ISG20: variants seen among roughly 807,000 people sequenced by gnomAD.
ISG20 encodes the protein interferon stimulated exonuclease gene 20.
In ISG20, 8 loss-of-function variants were observed where a neutral mutation model predicts 11.1. The ratio of observed to expected loss-of-function variants is 0.72; its 90% CI spans 0.42 to 1.30. The LOEUF is 1.30. ISG20 is among the 50% of genes most tolerant of loss of function. ISG20 has a pLI of 0.01. For synonymous variants in ISG20, 110 were observed against 101.7 expected (o/e 1.08, Z -0.49); for missense variants, 243 against 250.2 (o/e 0.97, Z 0.19).
In ISG20 at chr15:88,652,183, A is replaced by G. The variant is rs1318028234; in HGVS notation, c.302A>G (p.Asp101Gly). Residue 101 changes from aspartate to glycine, a missense_variant, in exon 3 of 4, where the codon GAC becomes GGC. Transcript: ENST00000306072. ...CACGACTTCCAGGCACTGAAAGAGG[A>G]CATGAGCGGCTACACAATCTACGAC... ...LKHDFQALKEDMSGYTIYDTS... is the reference protein window; with the variant it reads ...LKHDFQALKEGMSGYTIYDTS... 6.2e-7 allele frequency: 1 copy of G among 1,614,044 alleles called. No homozygotes were observed. Among genetic ancestry groups the G allele is most frequent in the South Asian group, 1.1e-5 (1 of 91,070 alleles).
chr15:88,639,101 G>C lies in ISG20; in HGVS notation c.-25+25G>C. Reference sequence around the variant, plus strand: ...GGTGAGAGCGGGAGCTGGAGCAGCAGCTGGGGAGGCAGCGGGAGGGGCCTT... The same window carrying C: ...GGTGAGAGCGGGAGCTGGAGCAGCACCTGGGGAGGCAGCGGGAGGGGCCTT... On this transcript the variant is annotated intron_variant, in intron 1 of 3. Transcript: ENST00000306072. The surrounding 1 kb of genome is among the most constrained non-coding windows in gnomAD (Gnocchi z 4.2). 1 of 551,400 alleles carries C rather than the reference G, an allele frequency of 1.8e-6. No homozygotes were observed. Among genetic ancestry groups the C allele is most frequent in the Non-Finnish European group, 3.2e-6 (1 of 310,284 alleles). 34.2% of individuals were successfully genotyped at this position (551,400 alleles called of 1,614,324 possible). A position where few individuals can be genotyped will look rare whatever the true frequency, so the allele number is the denominator to read the frequency against.
At chr15:88,641,270 GC>G (rs1262368670) in intron 2 of ISG20, among the ~76,000 whole-genome samples, 1 of 152,176 alleles carries the variant, frequency 6.6e-6, no homozygotes, top group African/African-American at 2.4e-5. Context: ...AAAGTCCCAG[GC>G]ATGAGCCACC....
rs1000420011 is a variant in ISG20, at chr15:88,639,263, G to C, written c.-24-80G>C. ...AAACAAAGGGCAGGGCGGAGGGTAA[G>C]GCCAGCTGGGGTTGGCTGAGGACAC... On this transcript the variant is annotated intron_variant, in intron 1 of 3. Coordinates refer to ENST00000306072, the MANE Select transcript of ISG20 (RefSeq NM_002201.6). This position sits in a 1 kb window ranked among gnomAD's most constrained non-coding sequence, Gnocchi z 4.2. 2.4e-5 allele frequency: 20 copies of C among 844,090 alleles called. No homozygotes were observed. Among genetic ancestry groups the C allele is most frequent in the East Asian group, 1.3e-4 (5 of 37,558 alleles). 52.3% of individuals were successfully genotyped at this position (844,090 alleles called of 1,614,324 possible). A position where few individuals can be genotyped will look rare whatever the true frequency, so the allele number is the denominator to read the frequency against.
In ISG20 at chr15:88,639,601, G is replaced by A. The variant is rs1480331882; in HGVS notation, c.228+7G>A. On this transcript the variant is annotated splice_region_variant and intron_variant, in intron 2 of 3. Coordinates refer to ENST00000306072, the MANE Select transcript of ISG20 (RefSeq NM_002201.6). This position sits in a 1 kb window ranked among gnomAD's most constrained non-coding sequence, Gnocchi z 4.2. ...TGCCGTGGCCAGGCTAGAGGTGAGT[G>A]AAGGCCCGGCCAGCAGGGGCTTTGG... 1 of 1,610,510 alleles carries A rather than the reference G, an allele frequency of 6.2e-7. No individual in the cohort carries two copies. The highest frequency in any genetic ancestry group is 2.2e-5 in the East Asian group (1 of 44,856).
At chr15:88,636,445 T>C (rs11638243), upstream of ISG20, among the ~76,000 whole-genome samples, 54,195 of 151,972 alleles carry the variant, frequency 0.36, 10,214 homozygotes, top group Non-Finnish European at 0.42. Flanking sequence ...GGGGCCCCAG[T>C]TTTGAACTAA....
Position 88,650,480 on chromosome 15 carries a change from A to T in ISG20, c.229-1630A>T. 7 of 1,433,210 alleles carry T rather than the reference A, an allele frequency of 4.9e-6. 1 individual carries two copies. In the South Asian group the frequency reaches 1.0e-4, roughly 21 times the overall value. 88.8% of individuals were successfully genotyped at this position (1,433,210 alleles called of 1,614,324 possible). A position where few individuals can be genotyped will look rare whatever the true frequency, so the allele number is the denominator to read the frequency against. On this transcript the variant is annotated intron_variant, in intron 2 of 3. Coordinates refer to ENST00000306072, the MANE Select transcript of ISG20 (RefSeq NM_002201.6). This position sits in a 1 kb window ranked among gnomAD's most constrained non-coding sequence, Gnocchi z 4.0. ...TCAAGGCCTGGCTTTGCCACTAACT[A>T]GCCGTGTGACTGTCCCAGTTATCAA...
intron 2 of ISG20, among the ~76,000 whole-genome samples, chr15:88,642,271 A>T (rs2058094673): frequency 6.6e-6 from 1 of 152,114 alleles, no homozygotes; most frequent in African/African-American, 2.4e-5. Context: ...TTGGATTATG[A>T]GCCCACCCTA....
chr15:88,639,213 T>C lies in ISG20; in HGVS notation c.-24-130T>C. The C allele has an allele frequency of 1.6e-6, 1 of 625,302 alleles. No individual in the cohort carries two copies. Among genetic ancestry groups the C allele is most frequent in the Non-Finnish European group, 2.8e-6 (1 of 358,186 alleles). The allele number at this position is 625,302 out of a possible 1,614,324, so 38.7% of individuals were successfully genotyped here. A position where few individuals can be genotyped will look rare whatever the true frequency, so the allele number is the denominator to read the frequency against. The stretch of plus-strand genomic sequence containing the variant: ...GGGATGGGGGAGGCAAGAGGCCAGC[T>C]TCCACTGTGGCCAGGTGGTGTCGGA... On this transcript the variant is annotated intron_variant, in intron 1 of 3. Coordinates refer to ENST00000306072, the MANE Select transcript of ISG20 (RefSeq NM_002201.6). This position sits in a 1 kb window ranked among gnomAD's most constrained non-coding sequence, Gnocchi z 4.2.
intron 3 of ISG20, among the ~76,000 whole-genome samples, chr15:88,653,723 G>A (rs1043123200): frequency 1.5e-4 from 6 of 41,262 alleles, no homozygotes; most frequent in Admixed American, 4.9e-4. Context: ...GCCCGCCCCC[G>A]CTCACATGGA....
chr15:88,642,523 C>A (rs955855444), intron 2 of ISG20, among the ~76,000 whole-genome samples: 2 of 152,216 alleles, frequency 1.3e-5, no homozygotes, highest in Non-Finnish European at 2.9e-5. Flanking sequence ...CCAGTGGGGT[C>A]CCCAGCAGCC....
chr15:88,640,834 G>C (rs2058068375), intron 2 of ISG20, among the ~76,000 whole-genome samples: 1 of 151,814 alleles, frequency 6.6e-6, no homozygotes, highest in Non-Finnish European at 1.5e-5. Context: ...GGGCATGGTG[G>C]CACATGCCCA....
chr15:88,643,216 G>A lies in ISG20; in HGVS notation c.228+3622G>A, dbSNP rs1261439908. Among the ~76,000 whole-genome samples the A allele has an allele frequency of 1.3e-5, 2 of 151,988 alleles. No individual in the cohort carries two copies. The highest frequency in any genetic ancestry group is 2.9e-5 in the Non-Finnish European group (2 of 67,996). ...TGCCACTGCACTGCAGCCTGGGTAA[G>A]AGAGACCCTGTCTCTATTAAAAAAT... On this transcript the variant is annotated intron_variant, in intron 2 of 3. Coordinates refer to ENST00000306072, the MANE Select transcript of ISG20 (RefSeq NM_002201.6). The surrounding 1 kb of genome is among the most constrained non-coding windows in gnomAD (Gnocchi z 4.4).
chr15:88,639,063 G>A lies in ISG20; in HGVS notation c.-38G>A. 6.1e-6 allele frequency: 3 copies of A among 493,074 alleles called. No individual in the cohort carries two copies. Among genetic ancestry groups the A allele is most frequent in the South Asian group, 2.6e-5 (1 of 38,388 alleles). 30.5% of individuals were successfully genotyped at this position (493,074 alleles called of 1,614,324 possible). ...AGAGAGGCAGACGTGAGCTGAGGGC[G>A]CAGAGGCAGGCAGGTGAGAGCGGGA... is the stretch of plus-strand genomic sequence containing the variant. On this transcript the variant is annotated 5_prime_UTR_variant, in exon 1 of 4. Transcript: ENST00000306072. This position sits in a 1 kb window ranked among gnomAD's most constrained non-coding sequence, Gnocchi z 4.2.
At position 88,639,475 on chromosome 15, in the gene ISG20, G is replaced by C. The variant is rs936674774; in HGVS notation, c.109G>C (p.Val37Leu). The C allele has an allele frequency of 6.2e-7, 1 of 1,614,198 alleles. No homozygotes were observed. The highest frequency in any genetic ancestry group is 8.5e-7 in the Non-Finnish European group (1 of 1,180,020). The change falls in exon 2 of 4, where the codon GTG becomes CTG. Residue 37 changes from valine to leucine, a missense_variant. Val to Leu is a conservative substitution (Grantham distance 32). Coordinates refer to ENST00000306072, the MANE Select transcript of ISG20 (RefSeq NM_002201.6). The surrounding 1 kb of genome is among the most constrained non-coding windows in gnomAD (Gnocchi z 4.2). ...CAGCCTCGTGAACGTCCACGGTGCTGTGCTGTACGACAAGTTCATCCGGCC... is the reference window on the plus strand; with the variant it reads ...CAGCCTCGTGAACGTCCACGGTGCTCTGCTGTACGACAAGTTCATCCGGCC... ...RCSLVNVHGAVLYDKFIRPEG... is the reference protein window; with the variant it reads ...RCSLVNVHGALLYDKFIRPEG...
intron 3 of ISG20, among the ~76,000 whole-genome samples, chr15:88,654,553 C>A (rs569041427): frequency 6.6e-6 from 1 of 152,056 alleles, no homozygotes; most frequent in Non-Finnish European, 1.5e-5. Flanking sequence ...TGCTGGGTAC[C>A]GGCCAGGACA....
At position 88,650,350 on chromosome 15, in the gene ISG20, G is replaced by A; in HGVS notation, c.229-1760G>A. On this transcript the variant is annotated intron_variant, in intron 2 of 3. Coordinates refer to ENST00000306072, the MANE Select transcript of ISG20 (RefSeq NM_002201.6). The surrounding 1 kb of genome is among the most constrained non-coding windows in gnomAD (Gnocchi z 4.0). Reference sequence around the variant, plus strand: ...GCGAGGCGAGGAACGCGGGGCTGGGGCAGTCACAGCTGGGCGCCTGGGCTG... The same window carrying A: ...GCGAGGCGAGGAACGCGGGGCTGGGACAGTCACAGCTGGGCGCCTGGGCTG... 1.3e-6 allele frequency: 2 copies of A among 1,534,800 alleles called. No individual in the cohort carries two copies. The highest frequency in any genetic ancestry group is 8.7e-7 in the Non-Finnish European group (1 of 1,146,542).
In ISG20 at chr15:88,650,218, A is replaced by C. The variant is rs749593864; in HGVS notation, c.229-1892A>C. 5.2e-6 allele frequency: 8 copies of C among 1,531,280 alleles called. No homozygotes were observed. The highest frequency in any genetic ancestry group is 7.0e-6 in the Non-Finnish European group (8 of 1,143,020). The allele number at this position is 1,531,280 out of a possible 1,614,324, so 94.9% of individuals were successfully genotyped here. On this transcript the variant is annotated intron_variant, in intron 2 of 3. Coordinates refer to ENST00000306072, the MANE Select transcript of ISG20 (RefSeq NM_002201.6). This position sits in a 1 kb window ranked among gnomAD's most constrained non-coding sequence, Gnocchi z 4.0. ...CGCCCCTTTCCCTAATAGAGCTCAC[A>C]TCTGTTCTATTTTCAGGTCCCCTTC...
Position 88,639,116 on chromosome 15 carries a change from G to C in ISG20, c.-25+40G>C. 1.8e-6 allele frequency: 1 copy of C among 561,032 alleles called. No homozygotes were observed. The highest frequency in any genetic ancestry group is 3.2e-6 in the Non-Finnish European group (1 of 315,866). 34.8% of individuals were successfully genotyped at this position (561,032 alleles called of 1,614,324 possible). On this transcript the variant is annotated intron_variant, in intron 1 of 3. Transcript: ENST00000306072. The surrounding 1 kb of genome is among the most constrained non-coding windows in gnomAD (Gnocchi z 4.2). ...TGGAGCAGCAGCTGGGGAGGCAGCGGGAGGGGCCTTCCCGGTCCCCAGGCT... is the reference window on the plus strand; with the variant it reads ...TGGAGCAGCAGCTGGGGAGGCAGCGCGAGGGGCCTTCCCGGTCCCCAGGCT...
chr15:88,647,960 C>G (rs2058207051), intron 2 of ISG20: 1 of 152,160 alleles, frequency 6.6e-6, no homozygotes, highest in African/African-American at 2.4e-5. Flanking sequence ...TGGGTCTCAG[C>G]CAGATGAAGG....
Sources: gnomAD v4.1 joint callset for allele counts (sites outside exome capture counted in the v4.1 genomes callset) on GRCh38, gnomAD v4.1.1 for gene constraint, Gnocchi (gnomAD v3.1) non-coding constraint, MANE v1.5 for transcripts, NCBI Gene and HGNC (gene_info 2026-07-23, HGNC 2026-07-21) for gene names.